The following CDC14A variants were observed in gnomAD, a reference collection of about 807,000 sequenced individuals.
CDC14A encodes dual specificity protein phosphatase CDC14A.
In CDC14A, 53 loss-of-function variants were observed where a neutral mutation model predicts 74.4. The observed-to-expected ratio is 0.71, with a 90% confidence interval of 0.57 to 0.89. The LOEUF (loss-of-function observed/expected upper bound fraction) is 0.89. CDC14A is among the 40% of genes least tolerant of loss of function. The pLI, the probability that CDC14A is intolerant of heterozygous loss-of-function variation, is 0.00. For synonymous variants in CDC14A, 247 were observed against 258.4 expected (o/e 0.96, Z 0.43); for missense variants, 646 against 713.7 (o/e 0.91, Z 1.08).
intron 7 of CDC14A, among the ~76,000 whole-genome samples, chr1:100,449,625 C>G (rs1431026770): frequency 2.0e-5 from 3 of 152,156 alleles, no homozygotes; most frequent in Non-Finnish European, 4.4e-5. Flanking sequence ...CCCATGGAAG[C>G]TCTTCTCATG....
At chr1:100,507,182 G>A (rs1649313542) in intron 15 of CDC14A, among the ~76,000 whole-genome samples, 1 of 152,084 alleles carries the variant, frequency 6.6e-6, no homozygotes, top group Admixed American at 6.6e-5. Context: ...GCATCTTCTG[G>A]TAGAATTGAT....
chr1:100,480,529 A>C (rs930645832), intron 10 of CDC14A, among the ~76,000 whole-genome samples: 7 of 152,166 alleles, frequency 4.6e-5, no homozygotes, highest in African/African-American at 1.4e-4. Flanking sequence ...GAGTTACTGG[A>C]TCATGTGGTA....
intron 4 of CDC14A, among the ~76,000 whole-genome samples, chr1:100,414,747 A>G (rs1321461653): frequency 6.6e-6 from 1 of 152,170 alleles, no homozygotes; most frequent in Non-Finnish European, 1.5e-5. Flanking sequence ...ATGATGAATG[A>G]TAAATGTTCT....
intron 5 of CDC14A, 90 bp from the exon 6 acceptor site, chr1:100,439,842 A>G: frequency 1.2e-6 from 1 of 864,848 alleles, no homozygotes; most frequent in South Asian, 1.4e-5. Flanking sequence ...AAGCCAAACA[A>G]GCACATCTCC....
At chr1:100,438,134 T>G (rs565009223) in intron 5 of CDC14A, among the ~76,000 whole-genome samples, 1 of 152,178 alleles carries the variant, frequency 6.6e-6, no homozygotes, top group Non-Finnish European at 1.5e-5. Flanking sequence ...TCTTAAAATA[T>G]TTATGCTCAT....
intron 7 of CDC14A, among the ~76,000 whole-genome samples, chr1:100,451,699 A>G (rs765992713): frequency 6.6e-6 from 1 of 152,180 alleles, no homozygotes; most frequent in African/African-American, 2.4e-5. Context: ...TTCCTCTTAC[A>G]TACTTTTAGT....
At chr1:100,427,897 G>C (rs142177247) in intron 5 of CDC14A, among the ~76,000 whole-genome samples, 1 of 152,046 alleles carries the variant, frequency 6.6e-6, no homozygotes, top group African/African-American at 2.4e-5. Context: ...ACTCTGAAAT[G>C]GGGGGGTAGG....
chr1:100,487,746 C>A (rs1411369009), intron 11 of CDC14A, among the ~76,000 whole-genome samples: 1 of 152,106 alleles, frequency 6.6e-6, no homozygotes, highest in African/African-American at 2.4e-5. Flanking sequence ...GAGGCTTCAC[C>A]TTTATTGAGC....
rs979713287 is a variant in CDC14A, at chr1:100,393,446, A to G, written c.309+2622A>G. ...GACCAGAGGAAGGGGCTGGAAGTTC[A>G]TATCGTTTCATACTGAGCAATTCAG... On this transcript the variant is annotated intron_variant, in intron 4 of 15. Transcript: ENST00000336454. The G allele has an allele frequency of 1.7e-5, 13 of 777,570 alleles. 1 individual carries two copies. Among genetic ancestry groups the G allele is most frequent in the South Asian group, 4.0e-5 (3 of 74,572 alleles). The allele number at this position is 777,570 out of a possible 1,614,324, so 48.2% of individuals were successfully genotyped here.
At chr1:100,346,492 T>C (rs1344450903) in intron 1 of CDC14A, among the ~76,000 whole-genome samples, 1 of 152,034 alleles carries the variant, frequency 6.6e-6, no homozygotes, top group Non-Finnish European at 1.5e-5. Flanking sequence ...ATTAGCCAAA[T>C]GCAGTGGCTC....
chr1:100,382,426 C>A (rs1571013116), intron 3 of CDC14A, among the ~76,000 whole-genome samples: 1 of 143,694 alleles, frequency 7.0e-6, no homozygotes, highest in East Asian at 2.0e-4. Flanking sequence ...TTTGTAGAGG[C>A]AGGGACACAC....
At chr1:100,406,133 T>A (rs758918105) in intron 4 of CDC14A, among the ~76,000 whole-genome samples, 12 of 152,188 alleles carry the variant, frequency 7.9e-5, no homozygotes, top group Non-Finnish European at 1.5e-4. Context: ...TGATCAGTGA[T>A]GTTGAGCTTT....
intron 10 of CDC14A, among the ~76,000 whole-genome samples, chr1:100,477,511 A>G (rs756066964): frequency 1.3e-5 from 2 of 152,060 alleles, no homozygotes; most frequent in Non-Finnish European, 2.9e-5. Flanking sequence ...GAGAGGCTAA[A>G]AAGGAGGCTA....
chr1:100,356,753 C>T (rs1490279524), intron 2 of CDC14A, among the ~76,000 whole-genome samples: 1 of 149,944 alleles, frequency 6.7e-6, no homozygotes, highest in African/African-American at 2.5e-5. Context: ...ACTTGGGAGG[C>T]TGAGGCAGGA....
upstream of CDC14A, chr1:100,351,835 T>C (rs746344341): frequency 1.4e-5 from 22 of 1,521,584 alleles, no homozygotes; most frequent in South Asian, 2.4e-4. Flanking sequence ...CCAATACATG[T>C]ACTGTGAGCT....
intron 2 of CDC14A, among the ~76,000 whole-genome samples, chr1:100,376,784 A>G (rs779803299): frequency 2.8e-4 from 42 of 152,158 alleles, no homozygotes; most frequent in Non-Finnish European, 5.3e-4. Context: ...GAGAACGAAA[A>G]CTGAAAAAAT....
At position 100,405,616 on chromosome 1, in the gene CDC14A, G is replaced by A. The variant is rs551544140; in HGVS notation, c.309+14792G>A. On this transcript the variant is annotated intron_variant, in intron 4 of 15. Coordinates refer to ENST00000336454, the MANE Select transcript of CDC14A (RefSeq NM_003672.4). ...CATCGTTTAGCTCCCACTTATGAGT[G>A]AGAACATGCAGTGTTTGGTTTTTTG... Among the ~76,000 whole-genome samples the A allele has an allele frequency of 7.9e-5, 12 of 152,360 alleles. No individual in the cohort carries two copies. The South Asian group carries it at 2.5e-3, about 32-fold the overall frequency.
intron 3 of CDC14A, among the ~76,000 whole-genome samples, chr1:100,389,243 A>T (rs1238370354): frequency 6.7e-6 from 1 of 148,812 alleles, no homozygotes; most frequent in Non-Finnish European, 1.5e-5. Flanking sequence ...AGATAATGTG[A>T]TTCTAGGAGT....
intron 2 of CDC14A, among the ~76,000 whole-genome samples, chr1:100,373,675 G>T (rs1193482758): frequency 1.3e-5 from 2 of 152,164 alleles, no homozygotes; most frequent in African/African-American, 4.8e-5. Context: ...TCAGTAAGGG[G>T]ATTATAGGTA....
Sources: allele counts gnomAD v4.1 joint callset (sites outside exome capture counted in the v4.1 genomes callset), GRCh38; gene constraint gnomAD v4.1.1; transcripts MANE v1.5; gene names NCBI Gene and HGNC (gene_info 2026-07-23, HGNC 2026-07-21).